PTPRM: variants seen among roughly 807,000 people sequenced by gnomAD.
PTPRM encodes receptor-type tyrosine-protein phosphatase mu.
PTPRM carries 47 observed loss-of-function variants against 186.7 expected under a neutral mutation model. The observed-to-expected ratio is 0.25, with a 90% CI of 0.20 to 0.32. The LOEUF is 0.32. Among genes scored for constraint, PTPRM ranks in the 10% least tolerant of loss-of-function variants. The pLI is 1.00. For synonymous variants in PTPRM, 668 were observed against 674.9 expected (o/e 0.99, Z 0.16); for missense variants, 1,494 against 1,865.0 (o/e 0.80, Z 3.66).
At chr18:7,761,458 C>G (rs1487618829) in intron 1 of PTPRM, among the ~76,000 whole-genome samples, 2 of 152,090 alleles carry the variant, frequency 1.3e-5, no homozygotes. Flanking sequence ...AGTCCGTGTG[C>G]TTTTTGTTGA....
intron 7 of PTPRM, among the ~76,000 whole-genome samples, chr18:7,979,526 C>G (rs2082432126): frequency 6.6e-6 from 1 of 152,044 alleles, no homozygotes; most frequent in Non-Finnish European, 1.5e-5. Context: ...TTTATTAGTC[C>G]AAATGAAAAA....
chr18:8,334,226 C>G (rs544845258), intron 22 of PTPRM, among the ~76,000 whole-genome samples: 5 of 152,338 alleles, frequency 3.3e-5, no homozygotes, highest in Admixed American at 1.3e-4. Context: ...GCCTAGAAGC[C>G]TTGGTTCTCT....
rs566913821 is a variant in PTPRM at position 7,965,881 on chromosome 18, A to G, written c.1132+10467A>G. 4.6e-5 allele frequency among the ~76,000 whole-genome samples: 7 copies of G among 152,358 alleles called. No homozygotes were observed. In the East Asian group the frequency reaches 7.7e-4, roughly 17 times the overall value. ...ACACGAAATGTGGGCTCACTGGGAC[A>G]TACTCAGTGGCATCTGGCCTCCAGT... On this transcript the variant is annotated intron_variant, in intron 7 of 32. Transcript: ENST00000580170.
chr18:7,924,331 G>T (rs549728684), intron 4 of PTPRM, among the ~76,000 whole-genome samples: 1 of 152,258 alleles, frequency 6.6e-6, no homozygotes, highest in Non-Finnish European at 1.5e-5. Flanking sequence ...AATGTTTCCA[G>T]TTAATGACAC....
At chr18:8,124,482 G>A (rs576523546) in intron 13 of PTPRM, among the ~76,000 whole-genome samples, 16 of 152,062 alleles carry the variant, frequency 1.1e-4, no homozygotes, top group East Asian at 1.9e-4. Context: ...GGTATGAATC[G>A]ACCAACTCTT....
intron 2 of PTPRM, among the ~76,000 whole-genome samples, chr18:7,839,123 C>G (rs904873409): frequency 1.3e-5 from 2 of 152,156 alleles, no homozygotes; most frequent in African/African-American, 4.8e-5. Context: ...GAAATGCCAT[C>G]CAAGAGTCAA....
intron 7 of PTPRM, among the ~76,000 whole-genome samples, chr18:7,957,928 A>C (rs2053421583): frequency 6.6e-6 from 1 of 152,192 alleles, no homozygotes; most frequent in Non-Finnish European, 1.5e-5. Context: ...TAAACATGGG[A>C]GAGACTAGAA....
intron 1 of PTPRM, among the ~76,000 whole-genome samples, chr18:7,674,580 A>T (rs1042185751): frequency 2.6e-5 from 4 of 152,316 alleles, no homozygotes; most frequent in African/African-American, 9.6e-5. Flanking sequence ...GTGGGCAGGC[A>T]GTGCTGAGAA....
chr18:7,995,757 T>A (rs1030121175), intron 7 of PTPRM: 2 of 152,200 alleles, frequency 1.3e-5, no homozygotes, highest in Admixed American at 1.3e-4. Flanking sequence ...TCTGGGAGAG[T>A]AAGACGGAGA....
At chr18:7,609,671 A>G (rs1394001871) in intron 1 of PTPRM, among the ~76,000 whole-genome samples, 1 of 152,084 alleles carries the variant, frequency 6.6e-6, no homozygotes, top group Non-Finnish European at 1.5e-5. Flanking sequence ...GCATGCCTGC[A>G]GTTGAGGGCA....
chr18:7,717,187 C>T (rs1305407605), intron 1 of PTPRM, among the ~76,000 whole-genome samples: 1 of 152,116 alleles, frequency 6.6e-6, no homozygotes, highest in Non-Finnish European at 1.5e-5. Flanking sequence ...ACTGTGAGGA[C>T]TTACATCCCT....
intron 2 of PTPRM, among the ~76,000 whole-genome samples, chr18:7,864,166 AGT>A (rs2047543849): frequency 6.6e-6 from 1 of 152,158 alleles, no homozygotes; most frequent in Non-Finnish European, 1.5e-5. Flanking sequence ...CTCTGATGAT[AGT>A]TGATTTTGCT....
intron 9 of PTPRM, among the ~76,000 whole-genome samples, chr18:8,081,515 A>G (rs188376496): frequency 1.6e-4 from 25 of 152,340 alleles, no homozygotes; most frequent in Admixed American, 1.1e-3. Context: ...ACAGGCACTT[A>G]ATAAGCATGT....
intron 2 of PTPRM, among the ~76,000 whole-genome samples, chr18:7,882,376 G>T (rs965403738): frequency 6.6e-6 from 1 of 152,006 alleles, no homozygotes; most frequent in African/African-American, 2.4e-5. Flanking sequence ...TGCTGCTCTA[G>T]TGAACTGAAT....
intron 1 of PTPRM, among the ~76,000 whole-genome samples, chr18:7,620,669 G>T (rs1239436419): frequency 2.6e-5 from 4 of 152,136 alleles, no homozygotes; most frequent in Non-Finnish European, 5.9e-5. Flanking sequence ...TTTATAGCTG[G>T]GAAGTTGAGG....
chr18:8,340,142 C>A (rs1262607219), intron 22 of PTPRM, among the ~76,000 whole-genome samples: 3 of 152,200 alleles, frequency 2.0e-5, no homozygotes, highest in South Asian at 4.1e-4. Context: ...GCAGAAGGAA[C>A]GGCCGCCAAG....
At chr18:8,301,991 G>T (rs1164163632) in intron 20 of PTPRM, among the ~76,000 whole-genome samples, 2 of 152,348 alleles carry the variant, frequency 1.3e-5, no homozygotes, top group South Asian at 4.1e-4. Flanking sequence ...CAGCGGGAGT[G>T]GGGTAGGGGC....
chr18:8,138,657 T>C (rs900157197), intron 13 of PTPRM, among the ~76,000 whole-genome samples: 1 of 152,180 alleles, frequency 6.6e-6, no homozygotes, highest in Non-Finnish European at 1.5e-5. Flanking sequence ...CATTGCTGCG[T>C]GTGTGGCTTT....
In PTPRM at chr18:8,205,797, G is replaced by A. The variant is rs561742658; in HGVS notation, c.2301-38261G>A. Among the ~76,000 whole-genome samples, 35 of 152,194 alleles carry A rather than the reference G, an allele frequency of 2.3e-4. No individual in the cohort carries two copies. In the South Asian group the frequency reaches 6.9e-3, roughly 30 times the overall value. ...AGTTGCATAATGAATTTTATTATCT[G>A]AGAGTTGTTTATATTTGATGGCATT... On this transcript the variant is annotated intron_variant, in intron 14 of 32. Coordinates refer to ENST00000580170, the MANE Select transcript of PTPRM (RefSeq NM_001105244.2).
Sources: gnomAD v4.1 joint callset for allele counts (sites outside exome capture counted in the v4.1 genomes callset) on GRCh38, gnomAD v4.1.1 for gene constraint, MANE v1.5 for transcripts, NCBI Gene and HGNC (gene_info 2026-07-23, HGNC 2026-07-21) for gene names.